ZSCAN5A: variants seen among roughly 807,000 people sequenced by gnomAD.
ZSCAN5A encodes the protein zinc finger and SCAN domain containing 5A, also known as zinc finger and SCAN domain-containing protein 5A.
In ZSCAN5A, 12 loss-of-function variants were observed where a neutral mutation model predicts 23.7. That is an observed-to-expected ratio of 0.51 (90% CI 0.32 to 0.82). The LOEUF (loss-of-function observed/expected upper bound fraction) is 0.82. ZSCAN5A is among the 40% of genes least tolerant of loss of function. The pLI is 0.03. For synonymous variants in ZSCAN5A, 257 were observed against 239.9 expected (o/e 1.07, Z -0.66); for missense variants, 597 against 617.9 (o/e 0.97, Z 0.36).
At chr19:56,262,974 TTAG>T (rs2037231746) in intron 2 of ZSCAN5A, among the ~76,000 whole-genome samples, 1 of 152,182 alleles carries the variant, frequency 6.6e-6, no homozygotes, top group South Asian at 2.1e-4. Flanking sequence ...AAAAACAAAT[TTAG>T]TAGATTATAA....
chr19:56,363,542 T>TA (rs1299957817), intron 1 of ZSCAN5A: 4 of 152,224 alleles, frequency 2.6e-5, no homozygotes, highest in Admixed American at 6.5e-5. Flanking sequence ...TGGAATTTCT[T>TA]AGAGACTGTT....
At chr19:56,303,787 T>C (rs1041610573) in intron 2 of ZSCAN5A, among the ~76,000 whole-genome samples, 1 of 149,422 alleles carries the variant, frequency 6.7e-6, no homozygotes, top group Non-Finnish European at 1.5e-5. Context: ...TGAGCAGCCA[T>C]GGCCACGGGC....
intron 3 of ZSCAN5A, among the ~76,000 whole-genome samples, chr19:56,224,139 C>T (rs62122489): frequency 5.9e-5 from 9 of 151,582 alleles, no homozygotes; most frequent in Admixed American, 6.6e-5. Context: ...CTCAATTGGC[C>T]GATGGCAGCT....
At chr19:56,291,076 G>A (rs951342195) in intron 2 of ZSCAN5A, among the ~76,000 whole-genome samples, 1 of 152,154 alleles carries the variant, frequency 6.6e-6, no homozygotes, top group African/African-American at 2.4e-5. Context: ...GTGGGTCTGG[G>A]GCTACATGCA....
intron 2 of ZSCAN5A, among the ~76,000 whole-genome samples, chr19:56,254,146 A>AT (rs935784287): frequency 1.3e-5 from 2 of 150,726 alleles, no homozygotes; most frequent in Non-Finnish European, 3.0e-5. Flanking sequence ...TCGATCTGAC[A>AT]TTTTTTTCTT....
chr19:56,321,932 A>G, intron 2 of ZSCAN5A: 1 of 781,394 alleles, frequency 1.3e-6, no homozygotes, highest in Non-Finnish European at 2.4e-6. Context: ...ATCCAACTTC[A>G]TCATGGCCTT....
chr19:56,356,678 T>C (rs1285105251), intron 2 of ZSCAN5A, among the ~76,000 whole-genome samples: 1 of 148,936 alleles, frequency 6.7e-6, no homozygotes, highest in Non-Finnish European at 1.5e-5. Context: ...CAAGAGTGTA[T>C]AACTGATTCC....
intron 2 of ZSCAN5A, among the ~76,000 whole-genome samples, chr19:56,227,686 G>A (rs987816082): frequency 2.0e-5 from 3 of 152,126 alleles, no homozygotes; most frequent in African/African-American, 7.2e-5. Flanking sequence ...ATTCTCATTG[G>A]CCTAGTAGGT....
chr19:56,358,447 A>G (rs554422153), intron 2 of ZSCAN5A, among the ~76,000 whole-genome samples: 2 of 149,492 alleles, frequency 1.3e-5, no homozygotes, highest in South Asian at 4.3e-4. Flanking sequence ...AAAGACATAC[A>G]AAGAGACTTG....
At chr19:56,336,233 G>C (rs1378820682) in intron 2 of ZSCAN5A, among the ~76,000 whole-genome samples, 3 of 152,200 alleles carry the variant, frequency 2.0e-5, no homozygotes, top group Non-Finnish European at 4.4e-5. Context: ...ATCAGACGTA[G>C]ATTTGGTCTT....
At position 56,224,889 on chromosome 19, in the gene ZSCAN5A, G is replaced by A. The variant is rs756076357; in HGVS notation, c.158C>T (p.Pro53Leu). ...AGCCTGGATGGGGTCCGACTCCTTCGGGCAGCTGAACATCCTGAAGTTCAC... is the reference window on the plus strand; with the variant it reads ...AGCCTGGATGGGGTCCGACTCCTTCAGGCAGCTGAACATCCTGAAGTTCAC... ...SHVNFRMFSC[P>L]KESDPIQALR... The change falls in exon 3 of 6, where the codon CCG becomes CTG. Residue 53 changes from proline to leucine, a missense_variant. This residue lies in a region of ZSCAN5A where 72 missense variants were observed against 76.8 expected (regional missense o/e 0.94). Coordinates refer to ENST00000683990, the MANE Select transcript of ZSCAN5A (RefSeq NM_001322064.3). The A allele has an allele frequency of 5.8e-5, 94 of 1,614,000 alleles. No homozygotes were observed. The highest frequency in any genetic ancestry group is 6.9e-5 in the Non-Finnish European group (82 of 1,180,036).
At chr19:56,237,321 A>G (rs550001221) in intron 2 of ZSCAN5A, among the ~76,000 whole-genome samples, 1 of 152,052 alleles carries the variant, frequency 6.6e-6, no homozygotes, top group Non-Finnish European at 1.5e-5. Flanking sequence ...AGCTGTGCAC[A>G]TTGCTGAGGA....
At chr19:56,255,610 C>CTT (rs201229544) in intron 2 of ZSCAN5A, among the ~76,000 whole-genome samples, 1 of 147,028 alleles carries the variant, frequency 6.8e-6, no homozygotes, top group Non-Finnish European at 1.5e-5. Context: ...TTCCCTTTGG[C>CTT]TTTTTTTTTT....
intron 5 of ZSCAN5A, 114 bp downstream of exon 5, chr19:56,222,477 G>A (rs1482510523): frequency 5.8e-6 from 9 of 1,549,904 alleles, no homozygotes; most frequent in South Asian, 5.1e-5. Context: ...TAGAGGATGG[G>A]GAGGCTTTGA....
At chr19:56,233,183 T>G (rs1299311004) in intron 2 of ZSCAN5A, among the ~76,000 whole-genome samples, 1 of 151,174 alleles carries the variant, frequency 6.6e-6, no homozygotes, top group African/African-American at 2.4e-5. Context: ...CTCCACCTAC[T>G]AGTACAATGG....
intron 2 of ZSCAN5A, among the ~76,000 whole-genome samples, chr19:56,335,057 T>C (rs1041565554): frequency 4.6e-5 from 7 of 152,144 alleles, no homozygotes; most frequent in African/African-American, 7.2e-5. Context: ...TGATAAAGCA[T>C]TGCATGAGCT....
chr19:56,239,284 C>T (rs929606345), intron 2 of ZSCAN5A, among the ~76,000 whole-genome samples: 2 of 152,174 alleles, frequency 1.3e-5, no homozygotes, highest in African/African-American at 4.8e-5. Flanking sequence ...ATGAATGAGC[C>T]ACAATTTGAA....
At chr19:56,289,056 C>G (rs12978758) in intron 2 of ZSCAN5A, among the ~76,000 whole-genome samples, 20,844 of 152,196 alleles carry the variant, frequency 0.14, 1,712 homozygotes, top group Middle Eastern at 0.21. Flanking sequence ...GCCAAAGAAT[C>G]TAAGCTATGC....
At chr19:56,271,387 T>C (rs976288754) in intron 2 of ZSCAN5A, among the ~76,000 whole-genome samples, 3 of 152,368 alleles carry the variant, frequency 2.0e-5, no homozygotes, top group South Asian at 2.1e-4. Flanking sequence ...CTTGTTTTCA[T>C]TGGGTGGTCT....
Sources: allele counts gnomAD v4.1 joint callset (sites outside exome capture counted in the v4.1 genomes callset), GRCh38; gene constraint gnomAD v4.1.1; regional missense constraint gnomAD v4.1.1; transcripts MANE v1.5; gene names NCBI Gene and HGNC (gene_info 2026-07-23, HGNC 2026-07-21).